Variants in TFCP2L1 observed in about 807,000 individuals in gnomAD.
TFCP2L1 encodes the protein transcription factor CP2 like 1.
In TFCP2L1, 12 loss-of-function variants were observed where a neutral mutation model predicts 72.2. The observed-to-expected ratio is 0.17, with a 90% confidence interval of 0.11 to 0.27. The LOEUF (loss-of-function observed/expected upper bound fraction) is 0.27, where lower values mean the gene tolerates loss of function less well. TFCP2L1 is among the 10% of genes least tolerant of loss of function. TFCP2L1 has a pLI of 1.00. For synonymous variants in TFCP2L1, 260 were observed against 251.0 expected (o/e 1.04, Z -0.34); for missense variants, 488 against 624.6 (o/e 0.78, Z 2.33).
chr2:121,248,151 C>G lies in TFCP2L1; in HGVS notation c.504+13G>C, dbSNP rs555344080. ...TAGGTCTTCCCCTGGAGGGCAAGCTCCCTGTGGCCCACCTGAATGAATGCA... is the reference window on the plus strand; with the variant it reads ...TAGGTCTTCCCCTGGAGGGCAAGCTGCCTGTGGCCCACCTGAATGAATGCA... On this transcript the variant is annotated intron_variant, in intron 5 of 14. Coordinates refer to ENST00000263707, the MANE Select transcript of TFCP2L1 (RefSeq NM_014553.3). 114 of 1,612,260 alleles carry G rather than the reference C, an allele frequency of 7.1e-5. 1 individual carries two copies. The South Asian group carries it at 1.2e-3, about 17-fold the overall frequency.
chr2:121,272,741 G>A (rs540944077), intron 2 of TFCP2L1, among the ~76,000 whole-genome samples: 3 of 152,184 alleles, frequency 2.0e-5, no homozygotes, highest in African/African-American at 4.8e-5. Flanking sequence ...CTATGTGCCC[G>A]GCATTTCAGT....
At chr2:121,231,676 T>C in intron 13 of TFCP2L1, 150 bp downstream of exon 13, 1 of 1,204,206 alleles carries the variant, frequency 8.3e-7, no homozygotes, top group Non-Finnish European at 1.1e-6. Context: ...GCACTCTCCA[T>C]CGCAGCCCCG....
At chr2:121,230,829 A>G (rs760706644) in intron 13 of TFCP2L1, among the ~76,000 whole-genome samples, 84 of 152,008 alleles carry the variant, frequency 5.5e-4, no homozygotes, top group Non-Finnish European at 1.1e-3. Context: ...TAATCTCAGC[A>G]CTTTGGGAGG....
rs190296417 is a variant in TFCP2L1 at position 121,273,264 on chromosome 2, T to G, written c.214+7856A>C. ...TCAAGCCAGAAATCCCCATGCAGATTGCCTGGGGTTCTCTCTTCTCTGCTC... is the reference window on the plus strand; with the variant it reads ...TCAAGCCAGAAATCCCCATGCAGATGGCCTGGGGTTCTCTCTTCTCTGCTC... On this transcript the variant is annotated intron_variant, in intron 2 of 14. Coordinates refer to ENST00000263707, the MANE Select transcript of TFCP2L1 (RefSeq NM_014553.3). 1.1e-4 allele frequency among the ~76,000 whole-genome samples: 17 copies of G among 152,272 alleles called. No individual in the cohort carries two copies. The East Asian group carries it at 2.7e-3, about 24-fold the overall frequency.
intron 1 of TFCP2L1, among the ~76,000 whole-genome samples, chr2:121,282,908 C>T (rs1687293631): frequency 6.6e-6 from 1 of 152,138 alleles, no homozygotes; most frequent in Admixed American, 6.5e-5. Flanking sequence ...GAAAACCTGC[C>T]CTGTGTGGGC....
intron 2 of TFCP2L1, among the ~76,000 whole-genome samples, chr2:121,262,986 A>T (rs1441781215): frequency 1.3e-5 from 2 of 152,168 alleles, no homozygotes; most frequent in Non-Finnish European, 2.9e-5. Flanking sequence ...CCCAGGCTGG[A>T]GTGCAATGGC....
intron 2 of TFCP2L1, among the ~76,000 whole-genome samples, chr2:121,264,273 G>A (rs1014657385): frequency 1.3e-5 from 2 of 152,214 alleles, no homozygotes; most frequent in African/African-American, 4.8e-5. Context: ...CCAGCCTCTG[G>A]TGAGAAGGCC....
At chr2:121,225,535 T>C in intron 14 of TFCP2L1, 27 bp downstream of exon 14, 3 of 1,612,472 alleles carry the variant, frequency 1.9e-6, no homozygotes, top group Non-Finnish European at 2.5e-6. Context: ...CCCCCACAAC[T>C]ACCCTAGGGG....
chr2:121,280,279 A>T (rs1037926655), intron 2 of TFCP2L1, among the ~76,000 whole-genome samples: 1 of 152,018 alleles, frequency 6.6e-6, no homozygotes, highest in South Asian at 2.1e-4. Flanking sequence ...TTCCCTCAGG[A>T]CATGGTGAGG....
intron 2 of TFCP2L1, among the ~76,000 whole-genome samples, chr2:121,266,685 G>A (rs966362454): frequency 3.3e-5 from 5 of 152,048 alleles, no homozygotes; most frequent in East Asian, 1.9e-4. Context: ...GTTCTCAATC[G>A]AGGAAGTCTA....
At chr2:121,280,430 T>C (rs955901108) in intron 2 of TFCP2L1, among the ~76,000 whole-genome samples, 4 of 152,108 alleles carry the variant, frequency 2.6e-5, no homozygotes, top group Non-Finnish European at 5.9e-5. Flanking sequence ...ACTCAGTGTA[T>C]GTCTTCAAAG....
rs555663534 is a variant in TFCP2L1 at position 121,246,396 on chromosome 2, C to T, written c.657+422G>A. Among the ~76,000 whole-genome samples the T allele has an allele frequency of 5.9e-5, 9 of 152,340 alleles. No homozygotes were observed. In the South Asian group the frequency reaches 6.2e-4, roughly 11 times the overall value. On this transcript the variant is annotated intron_variant, in intron 6 of 14. Transcript: ENST00000263707. ...GCTTCAAGCCCTCAACAGGAAGATC[C>T]GAGGCCAGGCCTCCAGCAGGGAGAG...
At chr2:121,237,229 C>T (rs1250439065) in intron 10 of TFCP2L1, among the ~76,000 whole-genome samples, 2 of 152,218 alleles carry the variant, frequency 1.3e-5, no homozygotes, top group Non-Finnish European at 2.9e-5. Context: ...GTGGCCTCAC[C>T]TCCAGCTCCC....
At chr2:121,255,375 A>G (rs1686693981) in intron 2 of TFCP2L1, among the ~76,000 whole-genome samples, 1 of 151,328 alleles carries the variant, frequency 6.6e-6, no homozygotes, top group East Asian at 1.9e-4. Flanking sequence ...TGTGGGGGGG[A>G]GGGGGTGAGA....
intron 6 of TFCP2L1, among the ~76,000 whole-genome samples, chr2:121,245,286 G>T (rs755819854): frequency 6.6e-6 from 1 of 152,136 alleles, no homozygotes; most frequent in Non-Finnish European, 1.5e-5. Flanking sequence ...CAAGAGCCCC[G>T]CCCAGAGCCT....
At chr2:121,235,121 G>C (rs1039894007) in intron 11 of TFCP2L1, 100 bp downstream of exon 11, 22 of 1,318,826 alleles carry the variant, frequency 1.7e-5, no homozygotes, top group Non-Finnish European at 2.2e-5. Flanking sequence ...TGTCCCCCCA[G>C]CCAGACCACC....
At position 121,239,607 on chromosome 2, in the gene TFCP2L1, GGGC is replaced by G; in HGVS notation, c.808_810del (p.Ala270del). ...GGAGAACCATTGTAGCTTGGGGACG[GGGC>G]GCTGTTCACCTGGTAGGCCACGTCG... On this transcript the variant is annotated inframe_deletion, in exon 8 of 15. Coordinates refer to ENST00000263707, the MANE Select transcript of TFCP2L1 (RefSeq NM_014553.3). The G allele has an allele frequency of 3.1e-6, 5 of 1,614,198 alleles. No individual in the cohort carries two copies. Among genetic ancestry groups the G allele is most frequent in the Non-Finnish European group, 4.2e-6 (5 of 1,180,028 alleles).
At position 121,281,962 on chromosome 2, in the gene TFCP2L1, A is replaced by G. The variant is rs541449092; in HGVS notation, c.63-691T>C. On this transcript the variant is annotated intron_variant, in intron 1 of 14. Transcript: ENST00000263707. ...GCGGGGGCGGGGGGGACGGAGTTTCACTCTTGTTGTCCAGGCTGGAGTGCA... is the reference window on the plus strand; with the variant it reads ...GCGGGGGCGGGGGGGACGGAGTTTCGCTCTTGTTGTCCAGGCTGGAGTGCA... Among the ~76,000 whole-genome samples the G allele has an allele frequency of 5.4e-3, 812 of 149,800 alleles. 14 individuals carry two copies. Among genetic ancestry groups the G allele is most frequent in the African/African-American group, 0.019 (771 of 40,492 alleles).
At chr2:121,240,443 T>C (rs1438253673) in intron 7 of TFCP2L1, 1 of 985,300 alleles carries the variant, frequency 1.0e-6, no homozygotes, top group African/African-American at 1.7e-5. Context: ...GAAGATTTAC[T>C]ATCACCCACC....
Sources: allele counts gnomAD v4.1 joint callset (sites outside exome capture counted in the v4.1 genomes callset), GRCh38; gene constraint gnomAD v4.1.1; transcripts MANE v1.5; gene names NCBI Gene and HGNC (gene_info 2026-07-23, HGNC 2026-07-21).